The following AGMO variants were observed in gnomAD, a reference collection of about 807,000 sequenced individuals.
AGMO encodes glyceryl-ether monooxygenase.
A neutral mutation model predicts 60.2 loss-of-function variants in AGMO; 75 were observed. The observed-to-expected ratio is 1.25, with a 90% confidence interval of 1.03 to 1.51. The LOEUF is 1.51. AGMO is among the 40% of genes most tolerant of loss of function. The probability of loss-of-function intolerance (pLI) is 0.00; values close to 1 mark genes in which losing one functional copy is unlikely to be tolerated. For synonymous variants in AGMO, 261 were observed against 177.1 expected (o/e 1.47, Z -3.76); for missense variants, 763 against 525.5 (o/e 1.45, Z -4.42).
intron 12 of AGMO, among the ~76,000 whole-genome samples, chr7:15,289,050 A>G (rs1192598225): frequency 1.3e-5 from 2 of 151,710 alleles, no homozygotes; most frequent in Non-Finnish European, 2.9e-5. Flanking sequence ...CCATTCTTTA[A>G]ATTTTCTTTT....
At chr7:15,152,849 G>C in the AGMO span, among the ~76,000 whole-genome samples, 73 of 152,126 alleles carry the variant, frequency 4.8e-4, 1 homozygote, top group South Asian at 0.015. Context: ...TTTTTCTCTA[G>C]GTAGATACCT....
intron 12 of AGMO, among the ~76,000 whole-genome samples, chr7:15,275,273 G>T (rs1164887268): frequency 6.6e-6 from 1 of 151,772 alleles, no homozygotes; most frequent in African/African-American, 2.4e-5. Flanking sequence ...AGATTTTTTT[G>T]AATTCTGCTT....
chr7:15,125,927 T>C, the AGMO span, among the ~76,000 whole-genome samples: 2 of 152,108 alleles, frequency 1.3e-5, no homozygotes, highest in Non-Finnish European at 2.9e-5. Context: ...TTAAAGAAAA[T>C]ATCTGTAAGT....
chr7:15,531,611 A>C lies in AGMO; in HGVS notation c.409+13161T>G, dbSNP rs1268966398. 1.2e-3 allele frequency among the ~76,000 whole-genome samples: 129 copies of C among 111,928 alleles called. 11 individuals are homozygous for C. The highest frequency in any genetic ancestry group is 5.5e-3 in the African/African-American group (121 of 22,024). The allele number at this position is 111,928 out of a possible 152,430, so 73.4% of individuals were successfully genotyped here. A position where few individuals can be genotyped will look rare whatever the true frequency, so the allele number is the denominator to read the frequency against. The stretch of plus-strand genomic sequence containing the variant: ...TATATATATTCTATATATATATTCT[A>C]TGTATATTCTATATATATATTCTAT... On this transcript the variant is annotated intron_variant, in intron 3 of 12. Transcript: ENST00000342526.
intron 12 of AGMO, among the ~76,000 whole-genome samples, chr7:15,354,324 A>ACACG (rs1491496373): frequency 0.013 from 1,014 of 75,444 alleles, 119 homozygotes; most frequent in African/African-American, 0.027. Flanking sequence ...GCGTGTATAT[A>ACACG]CGTACGCGTG....
At chr7:15,127,701 C>T in the AGMO span, among the ~76,000 whole-genome samples, 1 of 152,008 alleles carries the variant, frequency 6.6e-6, no homozygotes, top group Non-Finnish European at 1.5e-5. Context: ...TTATCTGCAA[C>T]TGGATTTTAT....
chr7:15,330,084 GAAGTT>G (rs1237564370), intron 12 of AGMO, among the ~76,000 whole-genome samples: 14 of 150,404 alleles, frequency 9.3e-5, no homozygotes, highest in African/African-American at 2.8e-4. Context: ...TATCTCTATT[GAAGTT>G]AATATATAAA....
chr7:15,390,511 T>G (rs917624854), intron 8 of AGMO, among the ~76,000 whole-genome samples, 160 bp downstream of exon 8: 1 of 152,234 alleles, frequency 6.6e-6, no homozygotes, highest in Non-Finnish European at 1.5e-5. Context: ...ATTCAAACTT[T>G]TGCTTGTGTA....
At chr7:15,329,607 T>C (rs1563090711) in intron 12 of AGMO, among the ~76,000 whole-genome samples, 1 of 152,232 alleles carries the variant, frequency 6.6e-6, no homozygotes, top group African/African-American at 2.4e-5. Context: ...CATTTTCATA[T>C]AGTTAACATT....
At chr7:15,446,455 G>GTCACATTTCCATCAA (rs1186777257) in intron 3 of AGMO, among the ~76,000 whole-genome samples, 2 of 152,120 alleles carry the variant, frequency 1.3e-5, no homozygotes, top group Non-Finnish European at 2.9e-5. Context: ...TTCCTACAAT[G>GTCACATTTCCATCAA]ATGTCACATT....
At chr7:15,533,080 C>A (rs116831317) in intron 3 of AGMO, among the ~76,000 whole-genome samples, 2,961 of 152,192 alleles carry the variant, frequency 0.019, 97 homozygotes, top group African/African-American at 0.066. Flanking sequence ...TTGGCAATAC[C>A]TCTCAGAGTA....
intron 12 of AGMO, among the ~76,000 whole-genome samples, chr7:15,257,006 T>TA (rs574005015): frequency 4.6e-5 from 7 of 152,344 alleles, no homozygotes; most frequent in African/African-American, 1.7e-4. Context: ...ATTTCTTTTA[T>TA]AAGTCTTACA....
chr7:15,559,865 C>G (rs1448085357), intron 2 of AGMO, among the ~76,000 whole-genome samples: 1 of 151,892 alleles, frequency 6.6e-6, no homozygotes, highest in Non-Finnish European at 1.5e-5. Flanking sequence ...AGAACCAGAC[C>G]ATAACTCAGA....
At chr7:15,268,165 A>G (rs999192758) in intron 12 of AGMO, among the ~76,000 whole-genome samples, 16 of 152,170 alleles carry the variant, frequency 1.1e-4, no homozygotes, top group African/African-American at 3.8e-4. Context: ...TGTTATTAAT[A>G]TGTAATGAAA....
chr7:15,257,313 A>G (rs1054703016), intron 12 of AGMO, among the ~76,000 whole-genome samples: 1 of 152,196 alleles, frequency 6.6e-6, no homozygotes, highest in Non-Finnish European at 1.5e-5. Context: ...ATAAGGTATG[A>G]ACTTGATACC....
chr7:15,542,456 T>C (rs1261188655), intron 3 of AGMO, among the ~76,000 whole-genome samples: 1 of 152,236 alleles, frequency 6.6e-6, no homozygotes, highest in African/African-American at 2.4e-5. Flanking sequence ...AACATATTTT[T>C]AATAGTTTTA....
intron 12 of AGMO, among the ~76,000 whole-genome samples, chr7:15,337,332 T>G (rs1267688371): frequency 1.3e-5 from 2 of 152,144 alleles, no homozygotes; most frequent in Non-Finnish European, 2.9e-5. Context: ...TTCATAATTA[T>G]ATAATTCATA....
At chr7:15,531,060 CTGTATATATTCTATATATATTCTATA>C (rs1223129213) in intron 3 of AGMO, among the ~76,000 whole-genome samples, 12,534 of 67,382 alleles carry the variant, frequency 0.19, 4,196 homozygotes, top group East Asian at 0.28. Context: ...TATATATATT[CTGTATATATTCTATATATATTCTATA>C]TATATATTCT....
chr7:15,411,117 T>C (rs183812082), intron 5 of AGMO, among the ~76,000 whole-genome samples: 16 of 152,030 alleles, frequency 1.1e-4, no homozygotes, highest in Admixed American at 9.2e-4. Flanking sequence ...GATAAAAGGA[T>C]AAATTTGCAC....
Sources: gnomAD v4.1 joint callset for allele counts (sites outside exome capture counted in the v4.1 genomes callset) on GRCh38, gnomAD v4.1.1 for gene constraint, MANE v1.5 for transcripts, NCBI Gene and HGNC (gene_info 2026-07-23, HGNC 2026-07-21) for gene names.